CHN2: variants seen among roughly 807,000 people sequenced by gnomAD.
The protein encoded by CHN2 is chimerin 2.
In CHN2, 35 loss-of-function variants were observed where a neutral mutation model predicts 56.3. The observed-to-expected ratio is 0.62, with a 90% CI of 0.47 to 0.82. CHN2 has a LOEUF of 0.82. Ranked by LOEUF, CHN2 falls within the 40% of genes least tolerant of loss-of-function variation. The pLI, the probability that CHN2 is intolerant of heterozygous loss-of-function variation, is 0.00. For synonymous variants in CHN2, 210 were observed against 212.8 expected (o/e 0.99, Z 0.12); for missense variants, 491 against 580.5 (o/e 0.85, Z 1.58).
intron 2 of CHN2, among the ~76,000 whole-genome samples, chr7:29,180,138 T>G (rs1030258423): frequency 6.6e-6 from 1 of 152,202 alleles, no homozygotes; most frequent in African/African-American, 2.4e-5. Context: ...TCCCCAATAG[T>G]TTTTTTATTA....
At chr7:29,341,056 A>G (rs1468369448) in intron 1 of CHN2, among the ~76,000 whole-genome samples, 1 of 152,194 alleles carries the variant, frequency 6.6e-6, no homozygotes, top group Non-Finnish European at 1.5e-5. Context: ...ACCGAGGCCC[A>G]TGTGGGTCAA....
intron 2 of CHN2, chr7:29,148,516 A>G (rs1562794453): frequency 6.6e-6 from 1 of 152,260 alleles, no homozygotes; most frequent in Admixed American, 6.5e-5. Context: ...CCTGAGTGAA[A>G]TATGGCATAC....
At chr7:29,380,723 T>C (rs551250736) in intron 3 of CHN2, 2 of 152,364 alleles carry the variant, frequency 1.3e-5, no homozygotes, top group East Asian at 1.9e-4. Flanking sequence ...CAATCTTTTT[T>C]CCTCTAGAAA....
intron 1 of CHN2, among the ~76,000 whole-genome samples, chr7:29,200,475 T>TCC (rs1223230192): frequency 2.2e-5 from 1 of 44,508 alleles, no homozygotes; most frequent in African/African-American, 8.4e-5. Context: ...CCTCCCCCCT[T>TCC]CCCCCCCCCT....
At chr7:29,189,934 G>A (rs1182039244), upstream of CHN2, among the ~76,000 whole-genome samples, 1 of 152,132 alleles carries the variant, frequency 6.6e-6, no homozygotes, top group Non-Finnish European at 1.5e-5. Flanking sequence ...TGGGAATTGG[G>A]TAGCAGAGGC....
In CHN2 at chr7:29,151,310, C is replaced by T. The variant is rs963218594; in HGVS notation, c.274+4350C>T. The stretch of plus-strand genomic sequence containing the variant: ...GGGAAACAATGTCCAAATTAATCTA[C>T]GTCTTTTGTAAGTGAGCCTATACTC... On this transcript the variant is annotated intron_variant, in intron 2 of 6. Coordinates refer to the CHN2 transcript ENST00000439384. 3.9e-5 allele frequency among the ~76,000 whole-genome samples: 6 copies of T among 152,284 alleles called. No homozygotes were observed. The South Asian group carries it at 1.0e-3, about 26-fold the overall frequency.
chr7:29,385,630 A>C (rs1800858986), intron 3 of CHN2, among the ~76,000 whole-genome samples: 5 of 152,208 alleles, frequency 3.3e-5, no homozygotes, highest in Non-Finnish European at 7.3e-5. Context: ...CTGGGGAACC[A>C]GTGGGGAATT....
intron 1 of CHN2, among the ~76,000 whole-genome samples, chr7:29,246,906 C>T (rs866087446): frequency 2.0e-5 from 3 of 152,168 alleles, no homozygotes; most frequent in African/African-American, 7.2e-5. Flanking sequence ...ACAAGGGCCC[C>T]GCCTCCTAGT....
chr7:29,469,269 T>G (rs1470723591), intron 6 of CHN2, among the ~76,000 whole-genome samples: 1 of 152,220 alleles, frequency 6.6e-6, no homozygotes, highest in Non-Finnish European at 1.5e-5. Context: ...TGTCTATCCT[T>G]TAGCTGAATT....
At chr7:29,176,457 T>C (rs563035262) in intron 2 of CHN2, among the ~76,000 whole-genome samples, 1 of 152,290 alleles carries the variant, frequency 6.6e-6, no homozygotes, top group African/African-American at 2.4e-5. Flanking sequence ...TATGTCTTCA[T>C]TAGCAGTATG....
At chr7:29,246,264 A>T (rs1018378841) in intron 1 of CHN2, among the ~76,000 whole-genome samples, 22 of 152,116 alleles carry the variant, frequency 1.4e-4, no homozygotes, top group Admixed American at 6.5e-4. Context: ...AGAGGTTCCC[A>T]GAGATCTCTT....
intron 6 of CHN2, among the ~76,000 whole-genome samples, chr7:29,430,521 G>A (rs992044038): frequency 1.4e-4 from 22 of 152,176 alleles, no homozygotes; most frequent in African/African-American, 5.3e-4. Flanking sequence ...TGCAGAAACA[G>A]CTGGATTGGT....
At chr7:29,234,080 G>T (rs368110521) in intron 1 of CHN2, among the ~76,000 whole-genome samples, 1 of 151,270 alleles carries the variant, frequency 6.6e-6, no homozygotes, top group African/African-American at 2.4e-5. Flanking sequence ...TGATCCGCCC[G>T]CCTCGGCCTC....
chr7:29,494,950 T>TAAAAAAAAAAAAAAAAAAAAAAAAA (rs5883217), intron 7 of CHN2, among the ~76,000 whole-genome samples: 1 of 64,652 alleles, frequency 1.5e-5, no homozygotes, highest in Non-Finnish European at 2.8e-5. Flanking sequence ...AAGCAGTTTG[T>TAAAAAAAAAAAAAAAAAAAAAAAAA]AAAAAAAAAA....
chr7:29,252,587 T>G (rs112618195), intron 1 of CHN2, among the ~76,000 whole-genome samples: 5 of 22,828 alleles, frequency 2.2e-4, no homozygotes, highest in African/African-American at 1.7e-3. Context: ...TGTTTTTTTT[T>G]TTTTTTTTTT....
chr7:29,374,253 G>T (rs1278308784), intron 3 of CHN2, among the ~76,000 whole-genome samples: 2 of 151,984 alleles, frequency 1.3e-5, no homozygotes, highest in African/African-American at 4.8e-5. Context: ...TTTTCTTGAT[G>T]CAGTTTTCTT....
In CHN2 at chr7:29,366,254, A is replaced by G. The variant is rs188842706; in HGVS notation, c.89-1678A>G. Among the ~76,000 whole-genome samples the G allele has an allele frequency of 4.8e-3, 731 of 152,202 alleles. 4 individuals carry two copies. The highest frequency in any genetic ancestry group is 0.016 in the African/African-American group (675 of 41,508). ...GCCTTTGTGTGTAGGAGATAAATGA[A>G]GCGTTAGGGGTGGAGGAGATTCCCT... is the stretch of plus-strand genomic sequence containing the variant. On this transcript the variant is annotated intron_variant, in intron 2 of 12. Transcript: ENST00000222792.
chr7:29,310,799 C>A (rs1457523422), intron 1 of CHN2, among the ~76,000 whole-genome samples: 2 of 152,146 alleles, frequency 1.3e-5, no homozygotes, highest in Non-Finnish European at 2.9e-5. Context: ...TGGCACTAAT[C>A]CCATTTCTGG....
chr7:29,364,888 G>A (rs187182265), intron 2 of CHN2, among the ~76,000 whole-genome samples: 33 of 152,110 alleles, frequency 2.2e-4, no homozygotes, highest in Non-Finnish European at 3.1e-4. Flanking sequence ...TTACTTCCTT[G>A]TTCCTTCTAG....
Sources: allele counts gnomAD v4.1 joint callset (sites outside exome capture counted in the v4.1 genomes callset), GRCh38; gene constraint gnomAD v4.1.1; transcripts MANE v1.5; gene names NCBI Gene and HGNC (gene_info 2026-07-23, HGNC 2026-07-21).